AK5: variants seen among roughly 807,000 people sequenced by gnomAD.
AK5 encodes the protein adenylate kinase 5.
AK5 carries 27 observed loss-of-function variants against 69.5 expected under a neutral mutation model. The ratio of observed to expected loss-of-function variants is 0.39; its 90% CI spans 0.29 to 0.54. The LOEUF (loss-of-function observed/expected upper bound fraction) is 0.54. AK5 is among the 20% of genes least tolerant of loss of function. AK5 has a pLI of 0.71. For synonymous variants in AK5, 260 were observed against 244.4 expected (o/e 1.06, Z -0.60); for missense variants, 531 against 700.4 (o/e 0.76, Z 2.73).
chr1:77,335,451 G>A (rs1338878935), intron 5 of AK5, among the ~76,000 whole-genome samples: 2 of 149,170 alleles, frequency 1.3e-5, no homozygotes, highest in African/African-American at 2.5e-5. Flanking sequence ...GAGAACATAC[G>A]CTAAGGAAAA....
intron 5 of AK5, among the ~76,000 whole-genome samples, chr1:77,303,125 A>G (rs12136415): frequency 0.099 from 15,118 of 152,210 alleles, 902 homozygotes; most frequent in Middle Eastern, 0.19. Flanking sequence ...TTTCCCTTTT[A>G]TATAATGGAT....
At chr1:77,426,756 A>T (rs1292757232) in intron 8 of AK5, among the ~76,000 whole-genome samples, 2 of 152,198 alleles carry the variant, frequency 1.3e-5, no homozygotes, top group Non-Finnish European at 2.9e-5. Flanking sequence ...ATACCTTAAC[A>T]AGTTTAAAAG....
intron 2 of AK5, among the ~76,000 whole-genome samples, chr1:77,289,229 T>C (rs1447837495): frequency 1.3e-5 from 2 of 152,200 alleles, no homozygotes; most frequent in African/African-American, 4.8e-5. Flanking sequence ...AGCTTAGATG[T>C]GCCCTCTTTG....
At chr1:77,361,298 T>C (rs1160700789) in intron 6 of AK5, among the ~76,000 whole-genome samples, 1 of 152,200 alleles carries the variant, frequency 6.6e-6, no homozygotes, top group Admixed American at 6.5e-5. Context: ...GGGAAGGAGC[T>C]CTAACTTTGG....
chr1:77,482,939 G>T (rs1033023432), intron 8 of AK5, among the ~76,000 whole-genome samples: 1 of 130,074 alleles, frequency 7.7e-6, no homozygotes, highest in African/African-American at 2.9e-5. Context: ...TGATACCAAA[G>T]GATTTTGTCT....
At chr1:77,323,079 C>T (rs566824401) in intron 5 of AK5, among the ~76,000 whole-genome samples, 64 of 152,158 alleles carry the variant, frequency 4.2e-4, no homozygotes, top group African/African-American at 1.5e-3. Context: ...CCTCCACCTC[C>T]CAGGTTCAAG....
chr1:77,529,745 C>T (rs1367559737), intron 12 of AK5, among the ~76,000 whole-genome samples: 4 of 152,090 alleles, frequency 2.6e-5, no homozygotes, highest in African/African-American at 9.7e-5. Flanking sequence ...TAACAGAAGT[C>T]ATATTAACAA....
intron 10 of AK5, among the ~76,000 whole-genome samples, chr1:77,516,368 A>G (rs1459901915): frequency 6.6e-6 from 1 of 152,186 alleles, no homozygotes; most frequent in Non-Finnish European, 1.5e-5. Flanking sequence ...GCTACAGTTA[A>G]CAACACTGTA....
At chr1:77,293,756 GT>G in intron 2 of AK5, 36 bp from the exon 3 acceptor site, 5 of 1,548,070 alleles carry the variant, frequency 3.2e-6, no homozygotes, top group Non-Finnish European at 4.4e-6. Flanking sequence ...TTATTATGGT[GT>G]TTTTTCCTTT....
intron 9 of AK5, among the ~76,000 whole-genome samples, chr1:77,484,419 A>T (rs1655461610): frequency 2.0e-5 from 3 of 152,196 alleles, no homozygotes; most frequent in Non-Finnish European, 4.4e-5. Context: ...CCCAGCTCTA[A>T]TCCTGCACAG....
intron 6 of AK5, among the ~76,000 whole-genome samples, chr1:77,359,991 A>C (rs1337923327): frequency 1.3e-5 from 2 of 152,170 alleles, no homozygotes; most frequent in East Asian, 3.9e-4. Flanking sequence ...AGTAGAGTTT[A>C]CCAATACTCA....
At chr1:77,410,695 G>A (rs1649984903) in intron 6 of AK5, among the ~76,000 whole-genome samples, 1 of 152,118 alleles carries the variant, frequency 6.6e-6, no homozygotes, top group East Asian at 1.9e-4. Context: ...AAAGCCACAA[G>A]ATAAATTTCA....
intron 6 of AK5, among the ~76,000 whole-genome samples, chr1:77,385,562 G>T (rs1018656620): frequency 1.3e-5 from 2 of 152,064 alleles, no homozygotes; most frequent in African/African-American, 4.8e-5. Context: ...TTACTATTAG[G>T]CATCAAATTC....
intron 7 of AK5, among the ~76,000 whole-genome samples, chr1:77,415,954 T>C (rs969682053): frequency 6.6e-6 from 1 of 152,204 alleles, no homozygotes; most frequent in African/African-American, 2.4e-5. Flanking sequence ...GAAACAGACG[T>C]TGAAAGTAGT....
At chr1:77,503,729 C>T (rs976637938) in intron 10 of AK5, among the ~76,000 whole-genome samples, 1 of 152,006 alleles carries the variant, frequency 6.6e-6, no homozygotes, top group African/African-American at 2.4e-5. Flanking sequence ...TGGTGAAACC[C>T]TGTCTCTACT....
intron 7 of AK5, among the ~76,000 whole-genome samples, chr1:77,415,924 A>G (rs1650394294): frequency 6.6e-6 from 1 of 152,172 alleles, no homozygotes; most frequent in African/African-American, 2.4e-5. Context: ...TCTTTTCTAA[A>G]ATGAGAAGTG....
chr1:77,448,937 G>T (rs1652942387), intron 8 of AK5, among the ~76,000 whole-genome samples: 1 of 152,204 alleles, frequency 6.6e-6, no homozygotes, highest in South Asian at 2.1e-4. Flanking sequence ...ATTGAGGTTT[G>T]GGAACCTCCG....
intron 5 of AK5, among the ~76,000 whole-genome samples, chr1:77,328,185 G>A (rs1660903007): frequency 6.6e-6 from 1 of 152,136 alleles, no homozygotes; most frequent in African/African-American, 2.4e-5. Flanking sequence ...TTTCCTTATT[G>A]TCAACCTGGT....
intron 8 of AK5, among the ~76,000 whole-genome samples, chr1:77,447,645 C>G (rs923585797): frequency 6.6e-6 from 1 of 152,130 alleles, no homozygotes; most frequent in Non-Finnish European, 1.5e-5. Flanking sequence ...CCTTGAATGC[C>G]AAGTAATTCT....
Sources: gnomAD v4.1 joint callset for allele counts (sites outside exome capture counted in the v4.1 genomes callset) on GRCh38, gnomAD v4.1.1 for gene constraint, MANE v1.5 for transcripts, NCBI Gene and HGNC (gene_info 2026-07-23, HGNC 2026-07-21) for gene names.